Variants in CNTLN observed in about 807,000 individuals in gnomAD.
The protein encoded by CNTLN is centlein, centrosomal protein.
CNTLN carries 212 observed loss-of-function variants against 180.0 expected under a neutral mutation model. The ratio of observed to expected loss-of-function variants is 1.18; its 90% CI spans 1.05 to 1.32. The LOEUF is 1.32. Among genes scored for constraint, CNTLN ranks in the 40% most tolerant of loss-of-function variants. The pLI is 0.00. For missense variants in CNTLN, 2,095 were observed against 1,610.9 expected (o/e 1.30, Z -5.14); for synonymous variants, 722 against 563.1 (o/e 1.28, Z -3.99).
At chr9:17,400,178 C>G (rs1318979733) in intron 15 of CNTLN, among the ~76,000 whole-genome samples, 3 of 152,124 alleles carry the variant, frequency 2.0e-5, no homozygotes, top group African/African-American at 7.2e-5. Flanking sequence ...TACCCTGTCA[C>G]CCAGGCTGGA....
intron 2 of CNTLN, among the ~76,000 whole-genome samples, chr9:17,172,745 T>C (rs1283952400): frequency 6.6e-6 from 1 of 152,200 alleles, no homozygotes; most frequent in Non-Finnish European, 1.5e-5. Context: ...AAATACATAA[T>C]AGGTCAAATA....
At position 17,218,906 on chromosome 9, in the gene CNTLN, C is replaced by T. The variant is rs181230875; in HGVS notation, c.450-7297C>T. Among the ~76,000 whole-genome samples the T allele has an allele frequency of 3.0e-4, 45 of 152,170 alleles. 1 individual carries two copies. The highest frequency in any genetic ancestry group is 1.1e-3 in the African/African-American group (44 of 41,534). ...TCCTGTTGTAGTGTATAATATATGGCATGGTCTATAACATAATAAAATTTT... is the reference window on the plus strand; with the variant it reads ...TCCTGTTGTAGTGTATAATATATGGTATGGTCTATAACATAATAAAATTTT... On this transcript the variant is annotated intron_variant, in intron 2 of 25. Transcript: ENST00000380647.
chr9:17,243,047 G>T (rs1019413071), intron 5 of CNTLN, among the ~76,000 whole-genome samples: 1 of 151,620 alleles, frequency 6.6e-6, no homozygotes, highest in African/African-American at 2.4e-5. Flanking sequence ...GGATTTATTC[G>T]TGGTTCTGTC....
chr9:17,236,480 C>G lies in CNTLN; in HGVS notation c.741C>G (p.Asn247Lys). The G allele has an allele frequency of 1.2e-6, 2 of 1,613,398 alleles. No homozygotes were observed. The highest frequency in any genetic ancestry group is 1.7e-6 in the Non-Finnish European group (2 of 1,179,622). Residue 247 changes from asparagine (N) to lysine (K), a missense_variant, in exon 5 of 26, where the codon AAC becomes AAG. Physicochemically the swap from Asn to Lys is moderately conservative, Grantham distance 94 (BLOSUM62 0). Transcript: ENST00000380647. ...TTATAAAAAATCTGGAGGAGGAAAACAAGAAATTAAGTACCCGCTGCACTG... is the reference window on the plus strand; with the variant it reads ...TTATAAAAAATCTGGAGGAGGAAAAGAAGAAATTAAGTACCCGCTGCACTG... ...RLVIKNLEEENKKLSTRCTDL... is the reference protein window; with the variant it reads ...RLVIKNLEEEKKKLSTRCTDL...
At chr9:17,328,652 A>G (rs1820455968) in intron 8 of CNTLN, among the ~76,000 whole-genome samples, 2 of 152,210 alleles carry the variant, frequency 1.3e-5, no homozygotes, top group Non-Finnish European at 2.9e-5. Flanking sequence ...GGGAACATGA[A>G]TAAGTTACTT....
At chr9:17,207,500 T>C (rs1031644625) in intron 2 of CNTLN, among the ~76,000 whole-genome samples, 9 of 152,138 alleles carry the variant, frequency 5.9e-5, no homozygotes, top group African/African-American at 2.2e-4. Context: ...CACGAGGGAA[T>C]CTTCCGTTGT....
intron 5 of CNTLN, among the ~76,000 whole-genome samples, chr9:17,244,047 T>A (rs887633141): frequency 1.3e-5 from 2 of 152,314 alleles, no homozygotes; most frequent in South Asian, 4.1e-4. Context: ...GACCTCTTTA[T>A]CATTATATAA....
chr9:17,301,914 A>C, intron 7 of CNTLN: 2 of 927,474 alleles, frequency 2.2e-6, no homozygotes, highest in African/African-American at 1.8e-5. Flanking sequence ...TCACTTTAAC[A>C]TTATATTTTA....
At chr9:17,142,101 AAAG>A (rs1037789093) in intron 1 of CNTLN, among the ~76,000 whole-genome samples, 7 of 151,254 alleles carry the variant, frequency 4.6e-5, no homozygotes, top group Admixed American at 1.3e-4. Context: ...AAAAAAAAAA[AAAG>A]AAGAATAAAC....
At chr9:17,373,694 A>C (rs1474435740) in intron 13 of CNTLN, among the ~76,000 whole-genome samples, 8 of 152,214 alleles carry the variant, frequency 5.3e-5, no homozygotes, top group Admixed American at 5.2e-4. Context: ...CAAAAAGAAC[A>C]AAACTAGAGG....
intron 25 of CNTLN, among the ~76,000 whole-genome samples, chr9:17,500,361 C>CA (rs1336735261): frequency 1.3e-5 from 2 of 152,086 alleles, no homozygotes; most frequent in African/African-American, 4.8e-5. Flanking sequence ...GAAAATTGTT[C>CA]AGATTACAAG....
intron 18 of CNTLN, chr9:17,447,240 G>C (rs1316727873): frequency 9.3e-6 from 2 of 214,424 alleles, no homozygotes; most frequent in African/African-American, 2.3e-5. Flanking sequence ...AGTTCCAACA[G>C]AGCCATGTTG....
At chr9:17,507,168 T>C (rs1216789154), downstream of CNTLN, among the ~76,000 whole-genome samples, 1 of 152,144 alleles carries the variant, frequency 6.6e-6, no homozygotes, top group African/African-American at 2.4e-5. Context: ...GAATCCCCAG[T>C]GCTTATTGTT....
At chr9:17,508,776 C>A (rs2208488), downstream of CNTLN, among the ~76,000 whole-genome samples, 113,173 of 152,180 alleles carry the variant, frequency 0.74, 42,417 homozygotes, top group East Asian at 0.97. Context: ...AGTAGCATCT[C>A]ATTATATGGA....
chr9:17,135,552 C>T lies in CNTLN; in HGVS notation c.360+127C>T, dbSNP rs1409274545. ...GCGACGCTCCCTGGCAGATGCACAC[C>T]CTGCTTCGCTCGCGGCCGGGGGCTG... is the stretch of plus-strand genomic sequence containing the variant. On this transcript the variant is annotated intron_variant, in intron 1 of 25. Coordinates refer to ENST00000380647, the MANE Select transcript of CNTLN (RefSeq NM_017738.4). 2.4e-6 allele frequency: 3 copies of T among 1,249,054 alleles called. No individual in the cohort carries two copies. In the Admixed American group the frequency reaches 9.0e-5, roughly 38 times the overall value. The allele number at this position is 1,249,054 out of a possible 1,614,324, so 77.4% of individuals were successfully genotyped here. A position where few individuals can be genotyped will look rare whatever the true frequency, so the allele number is the denominator to read the frequency against.
chr9:17,137,248 T>C (rs1258294094), intron 1 of CNTLN, among the ~76,000 whole-genome samples: 1 of 152,220 alleles, frequency 6.6e-6, no homozygotes, highest in Non-Finnish European at 1.5e-5. Flanking sequence ...ATTAATACTC[T>C]TATATAATTG....
At chr9:17,148,982 G>A (rs1202522198) in intron 2 of CNTLN, among the ~76,000 whole-genome samples, 1 of 151,920 alleles carries the variant, frequency 6.6e-6, no homozygotes, top group Admixed American at 6.6e-5. Context: ...CCCCACCTCC[G>A]ACAGGACCCA....
chr9:17,207,258 A>G (rs1333956069), intron 2 of CNTLN, among the ~76,000 whole-genome samples: 1 of 152,170 alleles, frequency 6.6e-6, no homozygotes, highest in Non-Finnish European at 1.5e-5. Flanking sequence ...CTGCATTGCC[A>G]TTTATGTGAG....
At chr9:17,423,746 C>T (rs78170277) in intron 18 of CNTLN, among the ~76,000 whole-genome samples, 2,771 of 152,146 alleles carry the variant, frequency 0.018, 82 homozygotes, top group African/African-American at 0.063. Context: ...TCCTCTAGGG[C>T]GGGGATAGTT....
Sources: gnomAD v4.1 joint callset for allele counts (sites outside exome capture counted in the v4.1 genomes callset) on GRCh38, gnomAD v4.1.1 for gene constraint, MANE v1.5 for transcripts, NCBI Gene and HGNC (gene_info 2026-07-23, HGNC 2026-07-21) for gene names.